The following RNF216 variants were observed in gnomAD, a reference collection of about 807,000 sequenced individuals.
RNF216 encodes the protein ring finger protein 216, also known as E3 ubiquitin-protein ligase RNF216.
Under a neutral mutation model 110.8 loss-of-function variants are expected in RNF216, and 72 were observed. The observed-to-expected ratio is 0.65, with a 90% CI of 0.54 to 0.79. RNF216 has a LOEUF of 0.79. Among genes scored for constraint, RNF216 ranks in the 30% least tolerant of loss-of-function variants. RNF216 has a pLI of 0.00. For missense variants in RNF216, 1,342 were observed against 1,141.2 expected, an observed-to-expected ratio of 1.18 and a Z score of -2.54; for synonymous variants, 495 against 407.5, an observed-to-expected ratio of 1.21 and a Z score of -2.59.
Position 5,741,297 on chromosome 7 carries a change from T to C in RNF216, c.720A>G (p.Gln240=), listed in dbSNP as rs1794742350. The part of the protein sequence containing the change: ...LDHPYFQSLN[Q]QPREITNQVV... ...CCTGGTTTGTTATTTCACGGGGCTG[T>C]TGGTTCAGAGACTGGAAGTAAGGAT... is the stretch of plus-strand genomic sequence containing the variant. The change falls in exon 4 of 17, where the codon CAA becomes CAG. Residue 240 remains glutamine (Q), a synonymous_variant. Transcript: ENST00000389902. 1 of 1,614,016 alleles carries C rather than the reference T, an allele frequency of 6.2e-7. No individual in the cohort carries two copies. The highest frequency in any genetic ancestry group is 1.3e-5 in the African/African-American group (1 of 75,016).
At chr7:5,656,707 G>C (rs908268057) in intron 13 of RNF216, among the ~76,000 whole-genome samples, 1 of 152,106 alleles carries the variant, frequency 6.6e-6, no homozygotes, top group African/African-American at 2.4e-5. Context: ...CTGTTCATGA[G>C]GTCTTCACTT....
At position 5,740,095 on chromosome 7, in the gene RNF216, A is replaced by G. The variant is rs1794668531; in HGVS notation, c.1045-743T>C. Among the ~76,000 whole-genome samples, 8 of 139,240 alleles carry G rather than the reference A, an allele frequency of 5.7e-5. No individual in the cohort carries two copies. The South Asian group carries it at 1.9e-3, about 33-fold the overall frequency. The allele number at this position is 139,240 out of a possible 152,430, so 91.3% of individuals were successfully genotyped here. A position where few individuals can be genotyped will look rare whatever the true frequency, so the allele number is the denominator to read the frequency against. On this transcript the variant is annotated intron_variant, in intron 4 of 16. Transcript: ENST00000389902. ...TTTGAAGGCAAATAGTGGCTACCAG[A>G]TGTAACACCTTTTTTTTTTTTTTTT... is the stretch of plus-strand genomic sequence containing the variant.
At chr7:5,718,496 AAAAC>A (rs1793205504) in intron 9 of RNF216, among the ~76,000 whole-genome samples, 1 of 152,210 alleles carries the variant, frequency 6.6e-6, no homozygotes, top group Non-Finnish European at 1.5e-5. Context: ...CTTAGACAAA[AAAAC>A]AAAACCAATT....
Position 5,773,798 on chromosome 7 carries a change from C to T in RNF216, c.-70+7743G>A, listed in dbSNP as rs376256798. ...GGCCAGGCTGATCTTGAACTCCTGA[C>T]TTCAGTGATCTGCCTGCCTCAGCCT... On this transcript the variant is annotated intron_variant, in intron 1 of 16. Transcript: ENST00000389902. 7.5e-4 allele frequency among the ~76,000 whole-genome samples: 114 copies of T among 152,292 alleles called. 4 individuals are homozygous for T. The South Asian group carries it at 0.023, about 30-fold the overall frequency.
At chr7:5,754,664 GA>G (rs1795521539) in intron 2 of RNF216, among the ~76,000 whole-genome samples, 1 of 152,108 alleles carries the variant, frequency 6.6e-6, no homozygotes, top group South Asian at 2.1e-4. Flanking sequence ...GCACCCGCAG[GA>G]AATTGTAGAT....
At chr7:5,742,261 C>G (rs2881234) in intron 3 of RNF216, among the ~76,000 whole-genome samples, 148,968 of 152,250 alleles carry the variant, frequency 0.98, 72,895 homozygotes, top group Middle Eastern at 0.99. Flanking sequence ...TGGCCACGCT[C>G]GTCTCAAACT....
chr7:5,711,023 A>G (rs1419598588), intron 13 of RNF216, among the ~76,000 whole-genome samples: 1 of 152,052 alleles, frequency 6.6e-6, no homozygotes, highest in Non-Finnish European at 1.5e-5. Flanking sequence ...TCTAATCTCT[A>G]CCTTAATTTC....
At chr7:5,763,987 G>A (rs1293882034) in intron 1 of RNF216, among the ~76,000 whole-genome samples, 1 of 152,140 alleles carries the variant, frequency 6.6e-6, no homozygotes, top group Non-Finnish European at 1.5e-5. Flanking sequence ...TCAGGAGTTT[G>A]AGACCAGCCT....
At chr7:5,658,991 G>A (rs1477909858) in intron 13 of RNF216, among the ~76,000 whole-genome samples, 3 of 152,156 alleles carry the variant, frequency 2.0e-5, no homozygotes, top group African/African-American at 7.2e-5. Context: ...AAGACAGAAA[G>A]ATGGTTGAGA....
At chr7:5,697,765 G>T (rs1310722348) in intron 13 of RNF216, among the ~76,000 whole-genome samples, 2 of 152,218 alleles carry the variant, frequency 1.3e-5, no homozygotes, top group Non-Finnish European at 2.9e-5. Flanking sequence ...GAAGCTAGGA[G>T]CACAACAGGT....
intron 13 of RNF216, among the ~76,000 whole-genome samples, chr7:5,660,176 T>A (rs1789011479): frequency 6.6e-6 from 1 of 150,560 alleles, no homozygotes; most frequent in Non-Finnish European, 1.5e-5. Context: ...TGCTCTCAAA[T>A]TTCTGGGCTC....
intron 13 of RNF216, among the ~76,000 whole-genome samples, chr7:5,690,088 G>C (rs1177067736): frequency 6.6e-6 from 1 of 152,128 alleles, no homozygotes; most frequent in Non-Finnish European, 1.5e-5. Flanking sequence ...CAGCACTCTG[G>C]GAGGCTTAGG....
intron 13 of RNF216, among the ~76,000 whole-genome samples, chr7:5,654,932 T>G (rs972383945): frequency 6.6e-6 from 1 of 152,040 alleles, no homozygotes; most frequent in Non-Finnish European, 1.5e-5. Context: ...TGCCTGACTA[T>G]TGCAGGAAGC....
chr7:5,706,727 C>T (rs775628447), intron 13 of RNF216, among the ~76,000 whole-genome samples: 2 of 152,178 alleles, frequency 1.3e-5, no homozygotes, highest in Admixed American at 1.3e-4. Context: ...TCCTTTCCAC[C>T]GGCTGCCTTT....
intron 8 of RNF216, among the ~76,000 whole-genome samples, chr7:5,722,696 GT>G (rs1278919512): frequency 6.6e-6 from 1 of 151,526 alleles, no homozygotes; most frequent in Admixed American, 6.6e-5. Context: ...AGCCTCTCAT[GT>G]TTTTTTAAAT....
At chr7:5,676,797 C>A (rs974946481) in intron 13 of RNF216, among the ~76,000 whole-genome samples, 7 of 152,224 alleles carry the variant, frequency 4.6e-5, no homozygotes, top group African/African-American at 1.7e-4. Context: ...AGAAAAGCCA[C>A]TGGACTCAGG....
intron 13 of RNF216, among the ~76,000 whole-genome samples, chr7:5,662,025 A>G (rs114793961): frequency 2.0e-5 from 3 of 152,324 alleles, no homozygotes; most frequent in African/African-American, 7.2e-5. Context: ...TGAGGTTACA[A>G]TGGCATCTTG....
chr7:5,640,979 C>T (rs981265679), intron 15 of RNF216, among the ~76,000 whole-genome samples, 175 bp downstream of exon 15: 3 of 152,210 alleles, frequency 2.0e-5, no homozygotes, highest in Non-Finnish European at 4.4e-5. Context: ...CTTTGAGCAG[C>T]ATGAGGAGTA....
intron 13 of RNF216, among the ~76,000 whole-genome samples, chr7:5,676,177 T>A (rs1274459851): frequency 6.6e-6 from 1 of 151,898 alleles, no homozygotes; most frequent in East Asian, 1.9e-4. Context: ...GCCCGGCTAA[T>A]TTTTTTGTAT....
Sources: gnomAD v4.1 joint callset for allele counts (sites outside exome capture counted in the v4.1 genomes callset) on GRCh38, gnomAD v4.1.1 for gene constraint, MANE v1.5 for transcripts, NCBI Gene and HGNC (gene_info 2026-07-23, HGNC 2026-07-21) for gene names.